Variants in TIMM23 observed in about 807,000 individuals in gnomAD.
TIMM23 encodes translocase of inner mitochondrial membrane 23.
In TIMM23, 19 loss-of-function variants were observed where a neutral mutation model predicts 30.7. The observed-to-expected ratio is 0.62, with a 90% CI of 0.43 to 0.91. The LOEUF (loss-of-function observed/expected upper bound fraction) is 0.91. TIMM23 is among the 40% of genes least tolerant of loss of function. The pLI, the probability that TIMM23 is intolerant of heterozygous loss-of-function variation, is 0.00. For synonymous variants in TIMM23, 78 were observed against 98.5 expected, an observed-to-expected ratio of 0.79 and a Z score of 1.23; for missense variants, 202 against 269.2, an observed-to-expected ratio of 0.75 and a Z score of 1.75.
Position 45,987,600 on chromosome 10 carries a change from G to A in TIMM23, c.404-1137G>A, listed in dbSNP as rs1292299772. On this transcript the variant is annotated intron_variant, in intron 5 of 6. Transcript: ENST00000580018. ...GAGGGAACACATACTTAACATTTGC[G>A]TATTTATTATAAAGATTTTTTTTTT... Among the ~76,000 whole-genome samples the A allele has an allele frequency of 2.8e-4, 41 of 146,596 alleles. 1 individual carries two copies. Among genetic ancestry groups the A allele is most frequent in the Non-Finnish European group, 4.5e-4 (30 of 67,136 alleles).
At position 46,000,370 on chromosome 10, in the gene TIMM23, G is replaced by A. The variant is rs973572478; in HGVS notation, c.515-2833G>A. The stretch of plus-strand genomic sequence containing the variant: ...ATGTTCTTCTGCCATGGCTTCAGCC[G>A]GTCCCTCCGTTTGGGGTCCCTGACT... On this transcript the variant is annotated intron_variant, in intron 6 of 6. Transcript: ENST00000580018. Among the ~76,000 whole-genome samples the A allele has an allele frequency of 2.7e-4, 41 of 152,118 alleles. 1 individual carries two copies. Among genetic ancestry groups the A allele is most frequent in the Admixed American group, 2.4e-3 (36 of 15,276 alleles).
At chr10:46,002,093 C>T (rs1838556488) in intron 6 of TIMM23, among the ~76,000 whole-genome samples, 1 of 152,158 alleles carries the variant, frequency 6.6e-6, no homozygotes, top group Admixed American at 6.6e-5. Flanking sequence ...GTGTCACTCA[C>T]TGTTTTTTAA....
intron 5 of TIMM23, among the ~76,000 whole-genome samples, chr10:45,988,388 A>G (rs1454558412): frequency 5.9e-5 from 9 of 152,114 alleles, no homozygotes; most frequent in Non-Finnish European, 1.2e-4. Flanking sequence ...GCCAGTTCCA[A>G]GACAGAAAGG....
At chr10:45,973,856 T>C (rs1837580224) in intron 1 of TIMM23, among the ~76,000 whole-genome samples, 1 of 151,702 alleles carries the variant, frequency 6.6e-6, no homozygotes, top group African/African-American at 2.4e-5. Flanking sequence ...TCTCCCTGTG[T>C]TGTCCAAGCT....
intron 4 of TIMM23, among the ~76,000 whole-genome samples, chr10:45,983,949 G>T (rs1411783984): frequency 6.6e-6 from 1 of 152,080 alleles, no homozygotes; most frequent in Non-Finnish European, 1.5e-5. Flanking sequence ...TCACTGTATT[G>T]CTCAGGCTGT....
intron 4 of TIMM23, among the ~76,000 whole-genome samples, chr10:45,984,025 T>A (rs1230248661): frequency 6.6e-6 from 1 of 152,238 alleles, no homozygotes; most frequent in Non-Finnish European, 1.5e-5. Flanking sequence ...ATTACAGATG[T>A]GAGCCACTGC....
chr10:45,980,826 C>T (rs1837819094), intron 2 of TIMM23, among the ~76,000 whole-genome samples: 1 of 150,352 alleles, frequency 6.7e-6, no homozygotes, highest in African/African-American at 2.4e-5. Context: ...CGTTTGCTTG[C>T]AACCCTTGTT....
At chr10:45,976,019 A>G (rs1484276321) in intron 2 of TIMM23, among the ~76,000 whole-genome samples, 1 of 152,028 alleles carries the variant, frequency 6.6e-6, no homozygotes, top group African/African-American at 2.4e-5. Context: ...CCAGGCTCCC[A>G]AAGTGCTGGG....
intron 2 of TIMM23, among the ~76,000 whole-genome samples, chr10:45,978,675 T>TAC (rs1837748986): frequency 6.6e-6 from 1 of 152,162 alleles, no homozygotes; most frequent in African/African-American, 2.4e-5. Context: ...TGGACCTCTG[T>TAC]ACATTGCTGG....
intron 2 of TIMM23, among the ~76,000 whole-genome samples, chr10:45,978,392 A>G (rs1837741068): frequency 1.3e-5 from 2 of 152,224 alleles, no homozygotes; most frequent in Admixed American, 6.5e-5. Context: ...CTGAGAGAAA[A>G]TATTTGCATA....
At chr10:46,000,831 T>C (rs1838507552) in intron 6 of TIMM23, among the ~76,000 whole-genome samples, 1 of 152,216 alleles carries the variant, frequency 6.6e-6, no homozygotes. Flanking sequence ...TGCAAAAGTA[T>C]TGTGTTTTCA....
chr10:45,985,984 T>C (rs1275088232), intron 5 of TIMM23, among the ~76,000 whole-genome samples: 2 of 152,220 alleles, frequency 1.3e-5, no homozygotes, highest in African/African-American at 4.8e-5. Flanking sequence ...TATGCTTTCA[T>C]ACCATATTGT....
chr10:45,979,581 A>G (rs1378686109), intron 2 of TIMM23, among the ~76,000 whole-genome samples: 1 of 133,434 alleles, frequency 7.5e-6, no homozygotes, highest in Non-Finnish European at 1.6e-5. Flanking sequence ...TGCTGGAATT[A>G]CAGGCATGAG....
intron 4 of TIMM23, among the ~76,000 whole-genome samples, chr10:45,984,141 A>G (rs1369955328): frequency 1.3e-5 from 2 of 152,176 alleles, no homozygotes; most frequent in Admixed American, 6.5e-5. Context: ...CCTCGCTTCA[A>G]TAATATTTTT....
intron 6 of TIMM23, chr10:45,992,751 T>C (rs1340418361): frequency 2.3e-5 from 8 of 354,216 alleles, no homozygotes; most frequent in African/African-American, 1.7e-4. Flanking sequence ...AGAGTCAGGG[T>C]TTCACCATGT....
chr10:45,975,920 G>A (rs1837659729), intron 2 of TIMM23, among the ~76,000 whole-genome samples: 2 of 152,092 alleles, frequency 1.3e-5, no homozygotes, highest in African/African-American at 4.8e-5. Context: ...TCCTGCCTCA[G>A]CCTCCCAAGT....
chr10:46,002,726 C>T lies in TIMM23; in HGVS notation c.515-477C>T, dbSNP rs114752270. Among the ~76,000 whole-genome samples, 722 of 150,264 alleles carry T rather than the reference C, an allele frequency of 4.8e-3. 5 individuals carry two copies. The highest frequency in any genetic ancestry group is 0.019 in the East Asian group (98 of 5,168). ...AAAATGTTAAGTCATATGTATTACA[C>T]AAGTGGTATTACTTTAAAAACGTTG... is the stretch of plus-strand genomic sequence containing the variant. On this transcript the variant is annotated intron_variant, in intron 6 of 6. Coordinates refer to ENST00000580018, the MANE Select transcript of TIMM23 (RefSeq NM_006327.4).
chr10:45,994,517 G>T, intron 6 of TIMM23, among the ~76,000 whole-genome samples: 1 of 112,474 alleles, frequency 8.9e-6, no homozygotes, highest in Non-Finnish European at 1.8e-5. Flanking sequence ...ATGGCTCACT[G>T]CCACCTCTGC....
At chr10:45,983,982 G>A (rs1185111032) in intron 4 of TIMM23, among the ~76,000 whole-genome samples, 2 of 152,162 alleles carry the variant, frequency 1.3e-5, no homozygotes, top group African/African-American at 4.8e-5. Flanking sequence ...GAGCTCAGGT[G>A]ATCCTCTTGC....
Sources: allele counts gnomAD v4.1 joint callset (sites outside exome capture counted in the v4.1 genomes callset), GRCh38; gene constraint gnomAD v4.1.1; transcripts MANE v1.5; gene names NCBI Gene and HGNC (gene_info 2026-07-23, HGNC 2026-07-21).